WDPCP: variants seen among roughly 807,000 people sequenced by gnomAD.
WDPCP encodes WD repeat-containing and planar cell polarity effector protein fritz homolog.
WDPCP carries 71 observed loss-of-function variants against 93.1 expected under a neutral mutation model. The observed-to-expected ratio is 0.76, with a 90% CI of 0.63 to 0.93. The LOEUF (loss-of-function observed/expected upper bound fraction) is 0.93. Ranked by LOEUF, WDPCP falls within the 40% of genes least tolerant of loss-of-function variation. The pLI, the probability that WDPCP is intolerant of heterozygous loss-of-function variation, is 0.00. For synonymous variants in WDPCP, 315 were observed against 315.0 expected, an observed-to-expected ratio of 1.00 and a Z score of 0.00; for missense variants, 844 against 887.4, an observed-to-expected ratio of 0.95 and a Z score of 0.62.
At chr2:63,582,572 G>A (rs1488620773) in intron 1 of WDPCP, among the ~76,000 whole-genome samples, 1 of 151,956 alleles carries the variant, frequency 6.6e-6, no homozygotes, top group Non-Finnish European at 1.5e-5. Flanking sequence ...GAAGCTCCAT[G>A]AACCCCAAGC....
chr2:63,561,228 C>G (rs1706588876), intron 1 of WDPCP, among the ~76,000 whole-genome samples: 1 of 152,140 alleles, frequency 6.6e-6, no homozygotes, highest in Non-Finnish European at 1.5e-5. Context: ...CCTCTAATCC[C>G]AGCACTTTGG....
intron 2 of WDPCP, among the ~76,000 whole-genome samples, chr2:63,692,757 ATGGCT>A (rs1377520118): frequency 6.6e-6 from 1 of 152,192 alleles, no homozygotes; most frequent in East Asian, 1.9e-4. Context: ...TATATACATA[ATGGCT>A]TATATCTCAA....
chr2:63,390,555 A>G (rs1326416984), intron 10 of WDPCP, among the ~76,000 whole-genome samples: 1 of 152,232 alleles, frequency 6.6e-6, no homozygotes, highest in Admixed American at 6.5e-5. Flanking sequence ...AGATCAGAGC[A>G]GAACTGAAAG....
chr2:63,447,418 G>A (rs1037335122), intron 6 of WDPCP, among the ~76,000 whole-genome samples: 11 of 152,068 alleles, frequency 7.2e-5, no homozygotes, highest in South Asian at 4.1e-4. Context: ...AAAAGGGAAC[G>A]CTTAAAATAT....
chr2:63,485,362 TA>T (rs5831663), intron 4 of WDPCP, among the ~76,000 whole-genome samples: 32,138 of 125,778 alleles, frequency 0.26, 3,702 homozygotes, highest in Middle Eastern at 0.41. Context: ...TACTCAGACC[TA>T]AAAAAAAAAA....
At chr2:63,754,542 A>T (rs563843362) in intron 2 of WDPCP, among the ~76,000 whole-genome samples, 2 of 152,356 alleles carry the variant, frequency 1.3e-5, no homozygotes, top group Non-Finnish European at 2.9e-5. Context: ...AAGAAATAGA[A>T]TACAAAGTTG....
intron 2 of WDPCP, among the ~76,000 whole-genome samples, chr2:63,803,302 G>A (rs1254148298): frequency 6.6e-6 from 1 of 151,810 alleles, no homozygotes; most frequent in Non-Finnish European, 1.5e-5. Context: ...TTTTAATACT[G>A]AAAAAAAATT....
At chr2:63,507,636 C>A (rs575554821) in intron 1 of WDPCP, among the ~76,000 whole-genome samples, 3 of 151,716 alleles carry the variant, frequency 2.0e-5, no homozygotes, top group African/African-American at 7.3e-5. Flanking sequence ...CAAACTCCAC[C>A]GAGCTAAAGG....
At chr2:63,404,785 A>G (rs1694440621) in intron 9 of WDPCP, 128 bp from the exon 10 acceptor site, 6 of 1,144,378 alleles carry the variant, frequency 5.2e-6, no homozygotes, top group South Asian at 1.4e-5. Flanking sequence ...TCAGCAACAT[A>G]CAAGTATATA....
intron 2 of WDPCP, among the ~76,000 whole-genome samples, chr2:63,808,287 G>GCTCCCT (rs1351640507): frequency 4.0e-5 from 6 of 148,808 alleles, no homozygotes; most frequent in South Asian, 2.1e-4. Flanking sequence ...TAATTCCTTC[G>GCTCCCT]CTCCCTCTCC....
intron 15 of WDPCP, among the ~76,000 whole-genome samples, chr2:63,166,642 C>T (rs1214533234): frequency 6.6e-6 from 1 of 151,974 alleles, no homozygotes; most frequent in Non-Finnish European, 1.5e-5. Context: ...ATCTGCCTGC[C>T]TCAGCCTCCC....
chr2:63,427,646 A>G (rs1016113505), intron 9 of WDPCP, among the ~76,000 whole-genome samples: 5 of 152,198 alleles, frequency 3.3e-5, no homozygotes, highest in Non-Finnish European at 7.4e-5. Flanking sequence ...CTCTCAAATT[A>G]ACAATCTAAC....
intron 9 of WDPCP, among the ~76,000 whole-genome samples, chr2:63,408,158 T>A (rs1388643521): frequency 3.3e-5 from 5 of 152,008 alleles, no homozygotes. Context: ...TTAGCCCAGA[T>A]AGACTGCAAG....
intron 13 of WDPCP, among the ~76,000 whole-genome samples, chr2:63,262,030 T>A (rs1274232634): frequency 6.6e-6 from 1 of 152,176 alleles, no homozygotes; most frequent in Admixed American, 6.5e-5. Flanking sequence ...GATCCTTATA[T>A]TCAGAGAAGA....
chr2:63,320,634 G>C (rs955832917), intron 12 of WDPCP, among the ~76,000 whole-genome samples: 3 of 151,822 alleles, frequency 2.0e-5, no homozygotes, highest in Admixed American at 6.6e-5. Flanking sequence ...GTGGACTGTA[G>C]AACACTAAGG....
chr2:63,435,286 A>G (rs1458939918), intron 8 of WDPCP, among the ~76,000 whole-genome samples: 1 of 152,176 alleles, frequency 6.6e-6, no homozygotes, highest in Non-Finnish European at 1.5e-5. Context: ...AATCTGAAAG[A>G]ATTAAACTAT....
At chr2:63,234,369 G>A (rs1294373326) in intron 14 of WDPCP, among the ~76,000 whole-genome samples, 1 of 152,172 alleles carries the variant, frequency 6.6e-6, no homozygotes, top group East Asian at 1.9e-4. Context: ...CAGGATGATT[G>A]CTTAAGCCCA....
chr2:63,531,326 T>G (rs1357369700), intron 1 of WDPCP, among the ~76,000 whole-genome samples: 1 of 152,186 alleles, frequency 6.6e-6, no homozygotes, highest in East Asian at 1.9e-4. Context: ...GTCTGACGAT[T>G]TGAAGAGAGC....
intron 3 of WDPCP, chr2:63,622,166 G>A (rs1709747837): frequency 3.2e-6 from 5 of 1,581,020 alleles, no homozygotes. Context: ...TGTGGTGGTG[G>A]TGGGCTGGCT....
Sources: allele counts gnomAD v4.1 joint callset (sites outside exome capture counted in the v4.1 genomes callset), GRCh38; gene constraint gnomAD v4.1.1; transcripts MANE v1.5; gene names NCBI Gene and HGNC (gene_info 2026-07-23, HGNC 2026-07-21).